SNX18: variants seen among roughly 807,000 people sequenced by gnomAD.
The protein encoded by SNX18 is sorting nexin 18.
Under a neutral mutation model 48.7 loss-of-function variants are expected in SNX18, and 35 were observed. The ratio of observed to expected loss-of-function variants is 0.72; its 90% CI spans 0.55 to 0.95. The LOEUF is 0.95. SNX18 is among the 40% of genes least tolerant of loss of function. The pLI, the probability that SNX18 is intolerant of heterozygous loss-of-function variation, is 0.00. For synonymous variants in SNX18, 492 were observed against 384.7 expected (o/e 1.28, Z -3.26); for missense variants, 824 against 871.0 (o/e 0.95, Z 0.68).
chr5:54,554,607 A>T, the SNX18 span, among the ~76,000 whole-genome samples: 29 of 152,222 alleles, frequency 1.9e-4, no homozygotes, highest in African/African-American at 7.0e-4. Flanking sequence ...TGAACTATGA[A>T]TTAATGTAGT....
At chr5:54,585,981 G>T in the SNX18 span, among the ~76,000 whole-genome samples, 3 of 151,276 alleles carry the variant, frequency 2.0e-5, no homozygotes, top group Non-Finnish European at 4.4e-5. Context: ...CTCCAGCCTG[G>T]GCGACGGAGC....
the SNX18 span, among the ~76,000 whole-genome samples, chr5:54,588,484 C>T: frequency 2.6e-5 from 4 of 151,704 alleles, no homozygotes; most frequent in Admixed American, 1.3e-4. Context: ...CCCACCACCA[C>T]GCCTAACTAA....
the SNX18 span, among the ~76,000 whole-genome samples, chr5:54,636,939 A>T: frequency 6.6e-6 from 1 of 152,218 alleles, no homozygotes; most frequent in Non-Finnish European, 1.5e-5. Flanking sequence ...TGCCATCTCC[A>T]CATGTGTCCT....
chr5:54,594,696 T>G, the SNX18 span, among the ~76,000 whole-genome samples: 2 of 152,192 alleles, frequency 1.3e-5, no homozygotes, highest in Non-Finnish European at 2.9e-5. Context: ...AATTGTATTT[T>G]AAAAATACAA....
At chr5:54,634,270 GA>G in the SNX18 span, among the ~76,000 whole-genome samples, 1 of 152,088 alleles carries the variant, frequency 6.6e-6, no homozygotes, top group Non-Finnish European at 1.5e-5. Flanking sequence ...GAGTGGGGTG[GA>G]AGAAGAATTC....
chr5:54,598,976 G>A, the SNX18 span, among the ~76,000 whole-genome samples: 1 of 152,178 alleles, frequency 6.6e-6, no homozygotes, highest in South Asian at 2.1e-4. Flanking sequence ...CCTATATTTG[G>A]AAAACCCCAT....
the SNX18 span, among the ~76,000 whole-genome samples, chr5:54,623,218 T>C: frequency 1.3e-5 from 2 of 152,242 alleles, no homozygotes; most frequent in South Asian, 4.2e-4. Flanking sequence ...GAGAGAGTCA[T>C]TAGCACAAAC....
At chr5:54,526,138 TC>T (rs1762127648) in intron 1 of SNX18, among the ~76,000 whole-genome samples, 2 of 152,192 alleles carry the variant, frequency 1.3e-5, no homozygotes, top group Admixed American at 1.3e-4. Context: ...GGAGTCTTGC[TC>T]TGTCACCTAG....
At chr5:54,565,090 G>T in the SNX18 span, among the ~76,000 whole-genome samples, 2 of 152,190 alleles carry the variant, frequency 1.3e-5, no homozygotes, top group Non-Finnish European at 1.5e-5. Flanking sequence ...TCACCTGTAA[G>T]GACCCAATTT....
At chr5:54,633,473 A>AGGACCCCACAAGGGAAT in the SNX18 span, among the ~76,000 whole-genome samples, 6 of 152,206 alleles carry the variant, frequency 3.9e-5, no homozygotes, top group Admixed American at 3.3e-4. Context: ...GGTTAAACAT[A>AGGACCCCACAAGGGAAT]GGACCCCACA....
chr5:54,632,398 T>C, the SNX18 span, among the ~76,000 whole-genome samples: 1 of 152,220 alleles, frequency 6.6e-6, no homozygotes, highest in Non-Finnish European at 1.5e-5. Flanking sequence ...ATTGAGCTGT[T>C]GGCACCAGCA....
chr5:54,593,868 T>A, the SNX18 span, among the ~76,000 whole-genome samples: 1 of 152,216 alleles, frequency 6.6e-6, no homozygotes, highest in Non-Finnish European at 1.5e-5. Flanking sequence ...TCATCTATTA[T>A]GGAAAACTCA....
the SNX18 span, among the ~76,000 whole-genome samples, chr5:54,637,457 T>C: frequency 6.6e-6 from 1 of 152,160 alleles, no homozygotes; most frequent in Non-Finnish European, 1.5e-5. Flanking sequence ...AGAAATTTTC[T>C]AATAATATAG....
At chr5:54,567,201 A>T in the SNX18 span, among the ~76,000 whole-genome samples, 1 of 151,512 alleles carries the variant, frequency 6.6e-6, no homozygotes, top group East Asian at 1.9e-4. Flanking sequence ...GGATGTGTGT[A>T]TGTGTGTGTG....
At position 54,545,733 on chromosome 5, in the gene SNX18, T is replaced by C. The variant is rs2111623823; in HGVS notation, c.*2301T>C. On this transcript the variant is annotated 3_prime_UTR_variant, in exon 2 of 2. Coordinates refer to ENST00000381410, the MANE Select transcript of SNX18 (RefSeq NM_001102575.2). ...CTAAGATCTTTATTCTCTAACGTTC[T>C]TGGTCCTATTGAAACATTGCAGTAT... is the stretch of plus-strand genomic sequence containing the variant. 1 of 152,324 alleles carries C rather than the reference T, an allele frequency of 6.6e-6. No homozygotes were observed. The highest frequency in any genetic ancestry group is 2.1e-4 in the South Asian group (1 of 4,832). The allele number at this position is 152,324 out of a possible 1,614,324, so 9.4% of individuals were successfully genotyped here.
chr5:54,532,488 A>G (rs1291908037), intron 1 of SNX18, among the ~76,000 whole-genome samples: 1 of 152,166 alleles, frequency 6.6e-6, no homozygotes, highest in Non-Finnish European at 1.5e-5. Context: ...GGTCAGCATT[A>G]TCAAGGATAG....
At chr5:54,548,114 C>A (rs576242869), downstream of SNX18, among the ~76,000 whole-genome samples, 1 of 152,298 alleles carries the variant, frequency 6.6e-6, no homozygotes, top group South Asian at 2.1e-4. Context: ...GTCCTCCCTA[C>A]TTGGCCCTGA....
At chr5:54,575,737 A>G in the SNX18 span, among the ~76,000 whole-genome samples, 43 of 151,842 alleles carry the variant, frequency 2.8e-4, no homozygotes, top group African/African-American at 1.0e-3. Context: ...ACCCCACCAT[A>G]CCAGGAGAGA....
the SNX18 span, among the ~76,000 whole-genome samples, chr5:54,615,576 A>C: frequency 6.6e-6 from 1 of 152,220 alleles, no homozygotes; most frequent in Non-Finnish European, 1.5e-5. Context: ...GCATTGTATC[A>C]CAATGTGTGT....
Sources: gnomAD v4.1 joint callset for allele counts (sites outside exome capture counted in the v4.1 genomes callset) on GRCh38, gnomAD v4.1.1 for gene constraint, MANE v1.5 for transcripts, NCBI Gene and HGNC (gene_info 2026-07-23, HGNC 2026-07-21) for gene names.